SPTB: variants seen among roughly 807,000 people sequenced by gnomAD.
The protein encoded by SPTB is spectrin beta chain, erythrocytic.
A neutral mutation model predicts 256.2 loss-of-function variants in SPTB; 45 were observed. The observed-to-expected ratio is 0.18, with a 90% CI of 0.14 to 0.23. The LOEUF (loss-of-function observed/expected upper bound fraction) is 0.23. SPTB is among the 10% of genes least tolerant of loss of function. The pLI, the probability that SPTB is intolerant of heterozygous loss-of-function variation, is 1.00. For synonymous variants in SPTB, 1,231 were observed against 1,243.1 expected (o/e 0.99, Z 0.21); for missense variants, 2,715 against 3,040.4 (o/e 0.89, Z 2.52).
rs2082730464 is a variant in SPTB at position 64,794,450 on chromosome 14, G to A, written c.1795+17C>T. ...TGGCATTGGAAGCCTCAAAAGGGGA[G>A]ACAGACTTGGTCTCACCTTTCCCCT... On this transcript the variant is annotated intron_variant, in intron 13 of 35. Transcript: ENST00000644917. 1.9e-6 allele frequency: 3 copies of A among 1,614,166 alleles called. No individual in the cohort carries two copies. Among genetic ancestry groups the A allele is most frequent in the Middle Eastern group, 3.3e-4 (2 of 6,030 alleles).
In SPTB at chr14:64,749,468, C is replaced by T. The variant is rs1280024357; in HGVS notation, c.6825G>A (p.Glu2275=). ...TCACGCCCTGCAGCCAGGACAGCAT[C>T]TCCTCCTGCGGGGCGGAGGGTCACG... ...EWLFHGKDEE[E]MLSWLQGVST... Residue 2275 remains glutamate, a synonymous_variant, in exon 36 of 36, where the codon GAG becomes GAA. Transcript: ENST00000644917. This position sits in a 1 kb window ranked among gnomAD's most constrained non-coding sequence, Gnocchi z 4.7. The T allele has an allele frequency of 6.2e-7, 1 of 1,600,770 alleles. No individual in the cohort carries two copies. Among genetic ancestry groups the T allele is most frequent in the Non-Finnish European group, 8.5e-7 (1 of 1,178,272 alleles).
Position 64,803,618 on chromosome 14 carries a change from G to A in SPTB, c.463C>T (p.Leu155Phe). Reference sequence around the variant, plus strand: ...CCCCAGGAACCCACCTGGAAGCGGAGGATGATGGTCCAGATGAGGCCCAGG... The same window carrying A: ...CCCCAGGAACCCACCTGGAAGCGGAAGATGATGGTCCAGATGAGGCCCAGG... ...LVLGLIWTII[L>F]RFQIQDIVVQ... is the part of the protein sequence containing the mutation. The change falls in exon 4 of 36, where the codon CTC (leucine) becomes TTC (phenylalanine). Residue 155 changes from leucine (L) to phenylalanine (F), a missense_variant. Physicochemically the swap from Leu to Phe is conservative, Grantham distance 22. Coordinates refer to ENST00000644917, the MANE Select transcript of SPTB (RefSeq NM_001355436.2). 6.2e-7 allele frequency: 1 copy of A among 1,614,190 alleles called. No homozygotes were observed. The highest frequency in any genetic ancestry group is 8.5e-7 in the Non-Finnish European group (1 of 1,180,044).
Position 64,791,709 on chromosome 14 carries a change from C to T in SPTB, c.2804+10G>A, listed in dbSNP as rs779581583. 1 of 1,614,120 alleles carries T rather than the reference C, an allele frequency of 6.2e-7. No individual in the cohort carries two copies. Among genetic ancestry groups the T allele is most frequent in the South Asian group, 1.1e-5 (1 of 91,080 alleles). Reference sequence around the variant, plus strand: ...CAATGCCCCCGCCCCATGCCCTACCCACACCCCACCTGGTGTTCAGATGGT... The same window carrying T: ...CAATGCCCCCGCCCCATGCCCTACCTACACCCCACCTGGTGTTCAGATGGT... On this transcript the variant is annotated intron_variant, in intron 15 of 35. Coordinates refer to ENST00000644917, the MANE Select transcript of SPTB (RefSeq NM_001355436.2).
chr14:64,878,770 A>G (rs1943830349), intron 1 of SPTB, among the ~76,000 whole-genome samples: 1 of 150,430 alleles, frequency 6.6e-6, no homozygotes, highest in Non-Finnish European at 1.5e-5. Flanking sequence ...GGCTGTCACT[A>G]TATCCCCCCA....
intron 1 of SPTB, among the ~76,000 whole-genome samples, chr14:64,861,562 C>A (rs1406740799): frequency 1.3e-5 from 2 of 152,186 alleles, no homozygotes; most frequent in South Asian, 2.1e-4. Flanking sequence ...ATCTACCAAC[C>A]CTTTCTCCAT....
intron 4 of SPTB, among the ~76,000 whole-genome samples, chr14:64,803,224 T>C (rs375065663): frequency 1.3e-5 from 2 of 152,222 alleles, no homozygotes; most frequent in Non-Finnish European, 2.9e-5. Context: ...GAAAAGTTTC[T>C]GATTGGAAAA....
chr14:64,790,634 C>A lies in SPTB; in HGVS notation c.2804+1085G>T, dbSNP rs1301086247. Among the ~76,000 whole-genome samples, 2 of 152,212 alleles carry A rather than the reference C, an allele frequency of 1.3e-5. No homozygotes were observed. The highest frequency in any genetic ancestry group is 2.9e-5 in the Non-Finnish European group (2 of 68,038). ...GCCCCCCAGTGAACTCTCCACTGTG[C>A]CGATCCCTTTCTTTACAATGGAGTC... is the stretch of plus-strand genomic sequence containing the variant. On this transcript the variant is annotated intron_variant, in intron 15 of 35. Transcript: ENST00000644917. This position sits in a 1 kb window ranked among gnomAD's most constrained non-coding sequence, Gnocchi z 4.8.
At chr14:64,865,214 C>T (rs1457876333) in intron 1 of SPTB, among the ~76,000 whole-genome samples, 1 of 151,958 alleles carries the variant, frequency 6.6e-6, no homozygotes, top group Non-Finnish European at 1.5e-5. Flanking sequence ...TGATCACTTG[C>T]CAACAAAATA....
chr14:64,859,716 CTCTCTATA>C (rs758140660), intron 1 of SPTB, among the ~76,000 whole-genome samples: 2,711 of 124,814 alleles, frequency 0.022, 61 homozygotes, highest in South Asian at 0.098. Flanking sequence ...CTCTCTCTCT[CTCTCTATA>C]TATATATATA....
rs1475347936 is a variant in SPTB at position 64,795,326 on chromosome 14, C to T, written c.1644+11G>A. Reference sequence around the variant, plus strand: ...CTGCAGGGCATGGCGGGGGCGGCCCCCAGGGCCCACCTTGATCTCATCCAT... The same window carrying T: ...CTGCAGGGCATGGCGGGGGCGGCCCTCAGGGCCCACCTTGATCTCATCCAT... On this transcript the variant is annotated intron_variant, in intron 12 of 35. Transcript: ENST00000644917. This position sits in a 1 kb window ranked among gnomAD's most constrained non-coding sequence, Gnocchi z 6.5. 1.2e-6 allele frequency: 2 copies of T among 1,603,390 alleles called. No homozygotes were observed. Among genetic ancestry groups the T allele is most frequent in the South Asian group, 1.1e-5 (1 of 90,962 alleles).
At chr14:64,789,867 G>A (rs2082639778) in intron 15 of SPTB, among the ~76,000 whole-genome samples, 2 of 152,196 alleles carry the variant, frequency 1.3e-5, no homozygotes, top group African/African-American at 4.8e-5. Context: ...ACAGGATTTG[G>A]AATATGTAGA....
chr14:64,783,132 C>T (rs891251940), intron 19 of SPTB, among the ~76,000 whole-genome samples: 3 of 152,128 alleles, frequency 2.0e-5, no homozygotes, highest in African/African-American at 7.2e-5. Flanking sequence ...TTTTCATCTG[C>T]ATAGATGTAT....
chr14:64,772,985 T>C lies in SPTB; in HGVS notation c.5179-31A>G, dbSNP rs1566746540. On this transcript the variant is annotated intron_variant, in intron 25 of 35. Coordinates refer to ENST00000644917, the MANE Select transcript of SPTB (RefSeq NM_001355436.2). This position sits in a 1 kb window ranked among gnomAD's most constrained non-coding sequence, Gnocchi z 5.4. ...CATGGGGCAGACAGAAATGTGGTTA[T>C]GGGGGGCACAGGGGTTACAGGTGTC... 1 of 1,591,634 alleles carries C rather than the reference T, an allele frequency of 6.3e-7. No homozygotes were observed. The highest frequency in any genetic ancestry group is 8.5e-7 in the Non-Finnish European group (1 of 1,171,960).
At chr14:64,780,119 AT>A (rs2082441157) in intron 20 of SPTB, among the ~76,000 whole-genome samples, 188 bp from the exon 21 acceptor site, 1 of 152,036 alleles carries the variant, frequency 6.6e-6, no homozygotes, top group Admixed American at 6.6e-5. Context: ...CTCATGCATC[AT>A]TTTGGGTCTC....
chr14:64,762,574 C>T (rs921682142), intron 32 of SPTB, among the ~76,000 whole-genome samples: 2 of 152,234 alleles, frequency 1.3e-5, no homozygotes, highest in African/African-American at 4.8e-5. Flanking sequence ...GCCACATAAA[C>T]CTTTAATCCT....
At chr14:64,804,903 T>C in intron 3 of SPTB, 36 bp downstream of exon 3, 2 of 1,613,070 alleles carry the variant, frequency 1.2e-6, no homozygotes, top group Non-Finnish European at 1.7e-6. Flanking sequence ...GAGGGGCCGA[T>C]GGCAGCAGCC....
rs199994404 is a variant in SPTB at position 64,786,821 on chromosome 14, T to C, written c.3144A>G (p.Gln1048=). The C allele has an allele frequency of 1.2e-6, 2 of 1,613,936 alleles. No individual in the cohort carries two copies. Among genetic ancestry groups the C allele is most frequent in the African/African-American group, 1.3e-5 (1 of 75,032 alleles). The change falls in exon 16 of 36, where the codon CAA becomes CAG. Residue 1048 remains glutamine (Q), a synonymous_variant. Transcript: ENST00000644917. This position sits in a 1 kb window ranked among gnomAD's most constrained non-coding sequence, Gnocchi z 5.6. ...GCAAGTCCTCCTGGCCCTGCAGGGATTGCTGCAGGCCCTGCCACAGCTCCT... is the reference window on the plus strand; with the variant it reads ...GCAAGTCCTCCTGGCCCTGCAGGGACTGCTGCAGGCCCTGCCACAGCTCCT... ...HLEELWQGLQ[Q]SLQGQEDLLG...
In SPTB at chr14:64,795,735, A is replaced by G. The variant is rs2082757308; in HGVS notation, c.1342-96T>C. 1 of 1,276,210 alleles carries G rather than the reference A, an allele frequency of 7.8e-7. No individual in the cohort carries two copies. The highest frequency in any genetic ancestry group is 1.1e-6 in the Non-Finnish European group (1 of 889,610). 79.1% of individuals were successfully genotyped at this position (1,276,210 alleles called of 1,614,324 possible). A position where few individuals can be genotyped will look rare whatever the true frequency, so the allele number is the denominator to read the frequency against. On this transcript the variant is annotated intron_variant, in intron 11 of 35. Coordinates refer to ENST00000644917, the MANE Select transcript of SPTB (RefSeq NM_001355436.2). The surrounding 1 kb of genome is among the most constrained non-coding windows in gnomAD (Gnocchi z 6.5). ...GGCAGCTCCCTTCAGAACCAGTGCT[A>G]GATGGGAAAGCACATTCCCAAGAAG...
intron 2 of SPTB, among the ~76,000 whole-genome samples, chr14:64,805,825 G>A (rs2082972788): frequency 6.6e-6 from 1 of 152,208 alleles, no homozygotes; most frequent in African/African-American, 2.4e-5. Flanking sequence ...GGAAAATGAT[G>A]AGCAAGGGAA....
Sources: allele counts gnomAD v4.1 joint callset (sites outside exome capture counted in the v4.1 genomes callset), GRCh38; gene constraint gnomAD v4.1.1; non-coding constraint Gnocchi (gnomAD v3.1); transcripts MANE v1.5; gene names NCBI Gene and HGNC (gene_info 2026-07-23, HGNC 2026-07-21).